GPSM1: variants seen among roughly 807,000 people sequenced by gnomAD.
The protein encoded by GPSM1 is G protein-signaling modulator 1.
A neutral mutation model predicts 70.5 loss-of-function variants in GPSM1; 48 were observed. That is an observed-to-expected ratio of 0.68 (90% CI 0.54 to 0.87). The LOEUF is 0.87. Ranked by LOEUF, GPSM1 falls within the 40% of genes least tolerant of loss-of-function variation. The probability of loss-of-function intolerance (pLI) is 0.00; values close to 1 mark genes in which losing one functional copy is unlikely to be tolerated. For synonymous variants in GPSM1, 416 were observed against 430.1 expected (o/e 0.97, Z 0.41); for missense variants, 981 against 972.6 (o/e 1.01, Z -0.11).
chr9:136,356,392 A>G lies in GPSM1; in HGVS notation c.1663A>G (p.Ile555Val), dbSNP rs1437945955. The G allele has an allele frequency of 6.2e-7, 1 of 1,608,344 alleles. No individual in the cohort carries two copies. The highest frequency in any genetic ancestry group is 8.5e-7 in the Non-Finnish European group (1 of 1,177,708). Residue 555 changes from isoleucine to valine, a missense_variant, in exon 13 of 14, where the codon ATC (isoleucine) becomes GTC (valine). Ile to Val is a conservative substitution (Grantham distance 29). Coordinates refer to ENST00000440944, the MANE Select transcript of GPSM1 (RefSeq NM_001145638.3). ...CCAGACCGAGGAATTCTTCGACCTC[A>G]TCGCCAGCTCCCAGAGCCGCCGGCT... ...SPQTEEFFDL[I>V]ASSQSRRLDD... is the part of the protein sequence containing the mutation.
rs138071426 is a variant in GPSM1, at chr9:136,334,504, C to T, written c.126C>T (p.Gly42=). 5.0e-5 allele frequency: 81 copies of T among 1,613,056 alleles called. No individual in the cohort carries two copies. The African/African-American group carries it at 7.9e-4, about 16-fold the overall frequency. Residue 42 remains glycine, a synonymous_variant, in exon 2 of 14, where the codon GGC becomes GGT. Transcript: ENST00000440944. ...AGGGCGAGCGTCTGTGCAAGGCGGGCGACTTCAAGACAGGCGTGGCCTTCT... is the reference window on the plus strand; with the variant it reads ...AGGGCGAGCGTCTGTGCAAGGCGGGTGACTTCAAGACAGGCGTGGCCTTCT... ...ALEGERLCKA[G]DFKTGVAFFE...
Position 136,340,967 on chromosome 9 carries a change from C to T in GPSM1, c.1181C>T (p.Pro394Leu). The T allele has an allele frequency of 1.3e-6, 2 of 1,563,658 alleles. No individual in the cohort carries two copies. The highest frequency in any genetic ancestry group is 1.7e-6 in the Non-Finnish European group (2 of 1,154,634). Residue 394 changes from proline (P) to leucine (L), a missense_variant, in exon 9 of 14, where the codon CCT becomes CTT. Physicochemically the swap from Pro to Leu is moderately conservative, Grantham distance 98. Transcript: ENST00000440944. This position sits in a 1 kb window ranked among gnomAD's most constrained non-coding sequence, Gnocchi z 7.3. ...ACCAGCCCGGCAGCCTCAGAGAAGC[C>T]TGACCTGGCCGGCTATGAGGCCCAG... is the stretch of plus-strand genomic sequence containing the variant. ...RLTSPAASEK[P>L]DLAGYEAQGA...
intron 13 of GPSM1, among the ~76,000 whole-genome samples, chr9:136,357,801 G>T (rs3125013): frequency 0.03 from 4,568 of 152,324 alleles, 192 homozygotes; most frequent in East Asian, 0.17. Flanking sequence ...GGGCTCCTGC[G>T]GGTTGGTGGC....
intron 11 of GPSM1, among the ~76,000 whole-genome samples, chr9:136,354,137 T>C (rs782316263): frequency 2.7e-4 from 41 of 152,096 alleles, no homozygotes; most frequent in Non-Finnish European, 5.6e-4. Context: ...AGCTGGGGAC[T>C]GACTCCAGGG....
chr9:136,348,907 T>C, intron 10 of GPSM1, 140 bp downstream of exon 10: 2 of 649,716 alleles, frequency 3.1e-6, no homozygotes, highest in Non-Finnish European at 5.4e-6. Context: ...CCTGATGCCC[T>C]GCATGGCCCA....
chr9:136,352,997 A>C (rs1832713072), intron 11 of GPSM1: 1 of 697,908 alleles, frequency 1.4e-6, no homozygotes, highest in East Asian at 1.3e-4. Flanking sequence ...GCCCTTGCCC[A>C]GGGTCCTATT....
At position 136,343,812 on chromosome 9, in the gene GPSM1, G is replaced by C. The variant is rs1289779057; in HGVS notation, c.1207+2819G>C. ...GGTGGACGAGGCAGGTGTGGCTGCAGCACCATCCGCCTGTTCCAGCAGCCC... is the reference window on the plus strand; with the variant it reads ...GGTGGACGAGGCAGGTGTGGCTGCACCACCATCCGCCTGTTCCAGCAGCCC... On this transcript the variant is annotated intron_variant, in intron 9 of 13. Transcript: ENST00000440944. This position sits in a 1 kb window ranked among gnomAD's most constrained non-coding sequence, Gnocchi z 6.0. Among the ~76,000 whole-genome samples the C allele has an allele frequency of 1.3e-5, 2 of 152,212 alleles. No homozygotes were observed. Among genetic ancestry groups the C allele is most frequent in the African/African-American group, 4.8e-5 (2 of 41,458 alleles).
chr9:136,335,714 C>T (rs1832216020), intron 2 of GPSM1, among the ~76,000 whole-genome samples: 1 of 152,224 alleles, frequency 6.6e-6, no homozygotes, highest in Admixed American at 6.5e-5. Flanking sequence ...CACCTGTGTG[C>T]AGCCTGTGTG....
At position 136,341,642 on chromosome 9, in the gene GPSM1, C is replaced by A. The variant is rs1156554691; in HGVS notation, c.1207+649C>A. ...GGCAGGCTTGGGGGGAGCAGCTGCC[C>A]CACCCATGTGTCCCCCACTCCCAAA... is the stretch of plus-strand genomic sequence containing the variant. On this transcript the variant is annotated intron_variant, in intron 9 of 13. Coordinates refer to ENST00000440944, the MANE Select transcript of GPSM1 (RefSeq NM_001145638.3). The surrounding 1 kb of genome is among the most constrained non-coding windows in gnomAD (Gnocchi z 6.7). 4.5e-5 allele frequency: 45 copies of A among 1,003,774 alleles called. No individual in the cohort carries two copies. Among genetic ancestry groups the A allele is most frequent in the Non-Finnish European group, 5.4e-5 (45 of 840,402 alleles). The allele number at this position is 1,003,774 out of a possible 1,614,324, so 62.2% of individuals were successfully genotyped here. A position where few individuals can be genotyped will look rare whatever the true frequency, so the allele number is the denominator to read the frequency against.
At position 136,341,464 on chromosome 9, in the gene GPSM1, A is replaced by C; in HGVS notation, c.1207+471A>C. The C allele has an allele frequency of 1.5e-6, 2 of 1,336,542 alleles. No homozygotes were observed. The highest frequency in any genetic ancestry group is 1.9e-6 in the Non-Finnish European group (2 of 1,045,456). 82.8% of individuals were successfully genotyped at this position (1,336,542 alleles called of 1,614,324 possible). A position where few individuals can be genotyped will look rare whatever the true frequency, so the allele number is the denominator to read the frequency against. ...AAGGCCATGCGAGGCCACCGTGGTG[A>C]CCTCATTCATGGACCGCTGGTCGTC... is the stretch of plus-strand genomic sequence containing the variant. On this transcript the variant is annotated intron_variant, in intron 9 of 13. Coordinates refer to ENST00000440944, the MANE Select transcript of GPSM1 (RefSeq NM_001145638.3). This position sits in a 1 kb window ranked among gnomAD's most constrained non-coding sequence, Gnocchi z 6.7.
Position 136,334,501 on chromosome 9 carries a change from G to A in GPSM1, c.123G>A (p.Ala41=), listed in dbSNP as rs199980435. 2.9e-4 allele frequency: 466 copies of A among 1,613,204 alleles called. 1 individual carries two copies. In the East Asian group the frequency reaches 8.5e-3, roughly 29 times the overall value. The part of the protein sequence containing the change: ...LALEGERLCK[A]GDFKTGVAFF... ...TGGAGGGCGAGCGTCTGTGCAAGGC[G>A]GGCGACTTCAAGACAGGCGTGGCCT... Residue 41 remains alanine, a synonymous_variant, in exon 2 of 14, where the codon GCG becomes GCA. Transcript: ENST00000440944.
intron 4 of GPSM1, 106 bp downstream of exon 4, chr9:136,337,178 C>T: frequency 8.6e-7 from 1 of 1,156,202 alleles, no homozygotes; most frequent in Non-Finnish European, 1.2e-6. Flanking sequence ...CCCGACAGCT[C>T]CCAGGGCAGT....
At chr9:136,344,936 A>T (rs1346306603) in intron 9 of GPSM1, among the ~76,000 whole-genome samples, 1 of 152,156 alleles carries the variant, frequency 6.6e-6, no homozygotes, top group African/African-American at 2.4e-5. Flanking sequence ...TGGTCCTTGC[A>T]TGGAGAGGGG....
In GPSM1 at chr9:136,330,143, G is replaced by A. The variant is rs1193742252; in HGVS notation, c.68+2380G>A. 2.6e-5 allele frequency among the ~76,000 whole-genome samples: 4 copies of A among 152,148 alleles called. No individual in the cohort carries two copies. In the East Asian group the frequency reaches 7.7e-4, roughly 29 times the overall value. On this transcript the variant is annotated intron_variant, in intron 1 of 13. Coordinates refer to ENST00000440944, the MANE Select transcript of GPSM1 (RefSeq NM_001145638.3). ...GGCTGAGAAGGCCCCGGAAAGTGGG[G>A]AAACCCTGGGTGGTCGTCTCCTGGC... is the stretch of plus-strand genomic sequence containing the variant.
rs782014367 is a variant in GPSM1, at chr9:136,355,836, G to A, written c.1602G>A (p.Glu534=). The change falls in exon 12 of 14, where the codon GAG becomes GAA. Residue 534 remains glutamate (E), a synonymous_variant. Transcript: ENST00000440944. ...AAEATAAPTL[E]DRIAQPSMTA... ...AGGCCACGGCCGCCCCCACCCTGGA[G>A]GACAGGATCGGTGAGTGCCCCCCTC... 56 of 1,608,964 alleles carry A rather than the reference G, an allele frequency of 3.5e-5. No homozygotes were observed. Among genetic ancestry groups the A allele is most frequent in the Admixed American group, 6.7e-5 (4 of 59,592 alleles).
intron 1 of GPSM1, among the ~76,000 whole-genome samples, chr9:136,330,933 T>A (rs1280631739): frequency 6.6e-6 from 1 of 152,162 alleles, no homozygotes; most frequent in East Asian, 1.9e-4. Context: ...ACAAATGGTC[T>A]GGCCTGAGTA....
intron 11 of GPSM1, among the ~76,000 whole-genome samples, chr9:136,352,424 C>T (rs556339913): frequency 6.6e-6 from 1 of 152,354 alleles, no homozygotes; most frequent in Admixed American, 6.5e-5. Context: ...GGATCTGAGG[C>T]GGTGTGGCTG....
At chr9:136,345,351 G>A (rs530583221) in intron 9 of GPSM1, among the ~76,000 whole-genome samples, 1 of 152,238 alleles carries the variant, frequency 6.6e-6, no homozygotes, top group Non-Finnish European at 1.5e-5. Flanking sequence ...AAGCCAGTGG[G>A]CCGGGCCTGT....
chr9:136,344,188 G>T (rs1228983259), intron 9 of GPSM1, among the ~76,000 whole-genome samples: 3 of 144,310 alleles, frequency 2.1e-5, no homozygotes, highest in Admixed American at 6.8e-5. Flanking sequence ...GGACAGGAGC[G>T]GGGGGAGGCG....
Sources: allele counts gnomAD v4.1 joint callset (sites outside exome capture counted in the v4.1 genomes callset), GRCh38; gene constraint gnomAD v4.1.1; non-coding constraint Gnocchi (gnomAD v3.1); transcripts MANE v1.5; gene names NCBI Gene and HGNC (gene_info 2026-07-23, HGNC 2026-07-21).